FAM53B: variants seen among roughly 807,000 people sequenced by gnomAD.
FAM53B encodes protein FAM53B.
In FAM53B, 12 loss-of-function variants were observed where a neutral mutation model predicts 32.7. The observed-to-expected ratio is 0.37, with a 90% CI of 0.24 to 0.59. The LOEUF (loss-of-function observed/expected upper bound fraction) is 0.59. Ranked by LOEUF, FAM53B falls within the 20% of genes least tolerant of loss-of-function variation. FAM53B has a pLI of 0.72. For missense variants in FAM53B, 477 were observed against 577.7 expected, an observed-to-expected ratio of 0.83 and a Z score of 1.79; for synonymous variants, 234 against 228.7, an observed-to-expected ratio of 1.02 and a Z score of -0.21.
At chr10:124,664,054 T>C (rs1259976510) in intron 4 of FAM53B, among the ~76,000 whole-genome samples, 1 of 152,082 alleles carries the variant, frequency 6.6e-6, no homozygotes, top group East Asian at 1.9e-4. Flanking sequence ...TCCAGGGAGC[T>C]TGGGTACCAG....
At chr10:124,637,971 T>C (rs1206300642) in intron 4 of FAM53B, among the ~76,000 whole-genome samples, 1 of 152,218 alleles carries the variant, frequency 6.6e-6, no homozygotes, top group African/African-American at 2.4e-5. Context: ...CCTCCCTGTC[T>C]GAGTGCCTCT....
chr10:124,640,843 G>A (rs567639460), intron 4 of FAM53B, among the ~76,000 whole-genome samples: 38 of 152,286 alleles, frequency 2.5e-4, no homozygotes, highest in African/African-American at 8.4e-4. Flanking sequence ...AGAGGAGGAG[G>A]AAAAAGACAG....
In FAM53B at chr10:124,623,499, C is replaced by A; in HGVS notation, c.1012G>T (p.Ala338Ser). ...CCTGGGCCGGAGGCTGAGAGCAGGG[C>A]GGTCCAGGCCCTGGTGTTGCTGACG... Reference protein sequence around the residue: ...RHVSNTRAWTALLSASGPGGR... With the variant: ...RHVSNTRAWTSLLSASGPGGR... The change falls in exon 5 of 5, where the codon GCC becomes TCC. Residue 338 changes from alanine (A) to serine (S), a missense_variant. Coordinates refer to ENST00000337318, the MANE Select transcript of FAM53B (RefSeq NM_014661.4). The A allele has an allele frequency of 6.3e-7, 1 of 1,589,192 alleles. No homozygotes were observed.
In FAM53B at chr10:124,621,908, T is replaced by C. The variant is rs981115252; in HGVS notation, c.*1334A>G. On this transcript the variant is annotated 3_prime_UTR_variant, in exon 5 of 5. Coordinates refer to ENST00000337318, the MANE Select transcript of FAM53B (RefSeq NM_014661.4). ...CTATTGTTTGCAGAAGACGCCACAT[T>C]CGCTAAAAGCCAGATTCCCATAGAG... The C allele has an allele frequency of 6.6e-6, 1 of 152,452 alleles. No homozygotes were observed. The highest frequency in any genetic ancestry group is 1.5e-5 in the Non-Finnish European group (1 of 68,050). 9.4% of individuals were successfully genotyped at this position (152,452 alleles called of 1,614,324 possible).
chr10:124,629,658 T>C (rs1429431769), intron 4 of FAM53B, among the ~76,000 whole-genome samples: 2 of 152,184 alleles, frequency 1.3e-5, no homozygotes, highest in South Asian at 2.1e-4. Context: ...CACCAGGCTA[T>C]GAGAATGGAT....
intron 4 of FAM53B, among the ~76,000 whole-genome samples, chr10:124,678,479 A>G (rs1235726535): frequency 6.6e-6 from 1 of 152,224 alleles, no homozygotes; most frequent in African/African-American, 2.4e-5. Context: ...CAATTTGCCT[A>G]GGGCTTCCAG....
chr10:124,681,945 A>T lies in FAM53B; in HGVS notation c.568T>A (p.Phe190Ile), dbSNP rs527535475. Residue 190 changes from phenylalanine to isoleucine, a missense_variant, in exon 4 of 5, where the codon TTT becomes ATT. By Grantham distance (21) the Phe-to-Ile change is conservative. Around this residue, in one of 2 missense-constraint regions of FAM53B, gnomAD observed 312 missense variants for 420.2 expected, o/e 0.74. Coordinates refer to ENST00000337318, the MANE Select transcript of FAM53B (RefSeq NM_014661.4). ...PCDQAGLHHR[F>I]GGQPCQGVPG... is the part of the protein sequence containing the mutation. Reference sequence around the variant, plus strand: ...ACCCCTTGGCAGGGCTGCCCTCCAAATCGGTGGTGGAGTCCTGCCTGGTCG... The same window carrying T: ...ACCCCTTGGCAGGGCTGCCCTCCAATTCGGTGGTGGAGTCCTGCCTGGTCG... The T allele has an allele frequency of 6.2e-7, 1 of 1,613,964 alleles. No homozygotes were observed. The highest frequency in any genetic ancestry group is 1.3e-5 in the African/African-American group (1 of 75,058).
chr10:124,625,716 A>G (rs1277603351), intron 4 of FAM53B, among the ~76,000 whole-genome samples: 2 of 152,168 alleles, frequency 1.3e-5, no homozygotes, highest in Non-Finnish European at 2.9e-5. Context: ...CACCCTCTTG[A>G]CTGGCCTAGA....
chr10:124,619,386 G>A lies in FAM53B; in HGVS notation c.*3856C>T, dbSNP rs1949288249. 1 of 152,590 alleles carries A rather than the reference G, an allele frequency of 6.6e-6. No homozygotes were observed. Among genetic ancestry groups the A allele is most frequent in the Non-Finnish European group, 1.5e-5 (1 of 68,058 alleles). The allele number at this position is 152,590 out of a possible 1,614,324, so 9.5% of individuals were successfully genotyped here. A position where few individuals can be genotyped will look rare whatever the true frequency, so the allele number is the denominator to read the frequency against. On this transcript the variant is annotated 3_prime_UTR_variant, in exon 5 of 5. Coordinates refer to ENST00000337318, the MANE Select transcript of FAM53B (RefSeq NM_014661.4). ...GGCTGGAGTGCAAGCCACAGCCTGT[G>A]CGGGGAGGCCAGGCTGCAGGGGCGG...
chr10:124,703,704 G>C (rs1385539385), intron 2 of FAM53B: 1 of 152,546 alleles, frequency 6.6e-6, no homozygotes, highest in Non-Finnish European at 1.5e-5. Flanking sequence ...CCAAAGCACT[G>C]CACACTGGGT....
chr10:124,716,789 AGAG>A (rs1950040846), intron 1 of FAM53B, among the ~76,000 whole-genome samples: 1 of 152,130 alleles, frequency 6.6e-6, no homozygotes, highest in Non-Finnish European at 1.5e-5. Flanking sequence ...AGGCACGGAG[AGAG>A]GAGAACTCAC....
At chr10:124,660,577 A>G (rs1041503273) in intron 4 of FAM53B, among the ~76,000 whole-genome samples, 7 of 152,238 alleles carry the variant, frequency 4.6e-5, no homozygotes, top group African/African-American at 7.2e-5. Context: ...CTCGAGGCCA[A>G]CGGTGAGCAC....
chr10:124,736,373 C>T (rs144881932), intron 1 of FAM53B, among the ~76,000 whole-genome samples: 66 of 152,386 alleles, frequency 4.3e-4, no homozygotes, highest in Non-Finnish European at 7.5e-4. Flanking sequence ...GGGGCTTCCC[C>T]GCATCCTGCA....
At chr10:124,680,825 TC>T (rs1410452568) in intron 4 of FAM53B, among the ~76,000 whole-genome samples, 1 of 152,138 alleles carries the variant, frequency 6.6e-6, no homozygotes, top group African/African-American at 2.4e-5. Context: ...CATCCGCCCA[TC>T]CTTGAGTCAG....
At chr10:124,719,577 A>C (rs17624662) in intron 1 of FAM53B, among the ~76,000 whole-genome samples, 31,736 of 152,166 alleles carry the variant, frequency 0.21, 3,745 homozygotes, top group Non-Finnish European at 0.26. Flanking sequence ...GTTTGTCCGC[A>C]GCACACCCCA....
rs762603002 is a variant in FAM53B, at chr10:124,722,155, T to C, written c.-174-15268A>G. 2.0e-5 allele frequency among the ~76,000 whole-genome samples: 3 copies of C among 152,182 alleles called. No individual in the cohort carries two copies. In the South Asian group the frequency reaches 6.2e-4, roughly 32 times the overall value. On this transcript the variant is annotated intron_variant, in intron 1 of 4. Transcript: ENST00000337318. ...AGGATGACTAGAGTTAACAATATTA[T>C]GTAGTTTCAAATAGTTAGAAGAAAG...
intron 3 of FAM53B, among the ~76,000 whole-genome samples, chr10:124,687,301 A>G (rs949661871): frequency 3.3e-5 from 5 of 152,040 alleles, no homozygotes; most frequent in African/African-American, 9.7e-5. Flanking sequence ...CCTCCATTCA[A>G]TATCACTTCT....
chr10:124,731,711 T>C (rs1182132698), intron 1 of FAM53B, among the ~76,000 whole-genome samples: 2 of 151,992 alleles, frequency 1.3e-5, no homozygotes, highest in Non-Finnish European at 2.9e-5. Context: ...GCGGCTCCCT[T>C]CTAGCGTGCG....
intron 4 of FAM53B, among the ~76,000 whole-genome samples, chr10:124,676,396 G>A (rs11599574): frequency 6.6e-6 from 1 of 152,172 alleles, no homozygotes; most frequent in South Asian, 2.1e-4. Flanking sequence ...CTAAGCAGCT[G>A]AAGGTGAACA....
Sources: gnomAD v4.1 joint callset for allele counts (sites outside exome capture counted in the v4.1 genomes callset) on GRCh38, gnomAD v4.1.1 for gene constraint, gnomAD v4.1.1 regional missense constraint, MANE v1.5 for transcripts, NCBI Gene and HGNC (gene_info 2026-07-23, HGNC 2026-07-21) for gene names.